The following C7 variants were observed in gnomAD, a reference collection of about 807,000 sequenced individuals.
C7 encodes complement component C7.
In C7, 83 loss-of-function variants were observed where a neutral mutation model predicts 104.8. That is an observed-to-expected ratio of 0.79 (90% CI 0.66 to 0.95). C7 has a LOEUF of 0.95. Ranked by LOEUF, C7 falls within the 40% of genes least tolerant of loss-of-function variation. The pLI is 0.00. For synonymous variants in C7, 415 were observed against 360.6 expected (o/e 1.15, Z -1.71); for missense variants, 1,070 against 1,011.2 (o/e 1.06, Z -0.79).
At chr5:40,921,371 A>G (rs893839663) in intron 1 of C7, among the ~76,000 whole-genome samples, 4 of 152,136 alleles carry the variant, frequency 2.6e-5, no homozygotes, top group African/African-American at 4.8e-5. Flanking sequence ...CCATTAAAAT[A>G]TCTATACTCC....
intron 1 of C7, among the ~76,000 whole-genome samples, chr5:40,923,034 C>T (rs1739474626): frequency 6.6e-6 from 1 of 152,132 alleles, no homozygotes; most frequent in East Asian, 1.9e-4. Context: ...TAAAGAGGAA[C>T]AACCTATGGA....
intron 1 of C7, among the ~76,000 whole-genome samples, chr5:40,923,786 C>G (rs927775824): frequency 2.0e-5 from 3 of 151,466 alleles, no homozygotes; most frequent in Non-Finnish European, 4.4e-5. Context: ...AAATGTCATG[C>G]ACTTTAAAAC....
chr5:40,944,549 C>T (rs1350111437), intron 6 of C7, among the ~76,000 whole-genome samples: 1 of 152,150 alleles, frequency 6.6e-6, no homozygotes, highest in African/African-American at 2.4e-5. Context: ...CATTTTGACA[C>T]TTGATCTAAA....
chr5:40,961,184 A>G (rs1204016550), intron 12 of C7, among the ~76,000 whole-genome samples: 1 of 152,228 alleles, frequency 6.6e-6, no homozygotes, highest in Non-Finnish European at 1.5e-5. Context: ...TTTGGTATTT[A>G]TTAGTTCATA....
intron 14 of C7, 33 bp from the exon 15 acceptor site, chr5:40,972,370 C>A (rs570260882): frequency 1.3e-6 from 2 of 1,578,392 alleles, no homozygotes; most frequent in East Asian, 2.2e-5. Context: ...AGGAGAGCAA[C>A]GACCCTTATA....
At chr5:40,911,711 C>CA (rs1739210966) in intron 1 of C7, among the ~76,000 whole-genome samples, 1 of 150,708 alleles carries the variant, frequency 6.6e-6, no homozygotes, top group Non-Finnish European at 1.5e-5. Context: ...TGACACAGAA[C>CA]AAAAATACCA....
At chr5:40,958,397 C>A in intron 11 of C7, 136 bp downstream of exon 11, 2 of 548,704 alleles carry the variant, frequency 3.6e-6, no homozygotes, top group Non-Finnish European at 3.1e-6. Context: ...CTTCCCTTTC[C>A]TACTTCCAGA....
At position 40,959,492 on chromosome 5, in the gene C7, C is replaced by G. The variant is rs1465748747; in HGVS notation, c.1533C>G (p.Pro511=). 2 of 1,611,210 alleles carry G rather than the reference C, an allele frequency of 1.2e-6. No individual in the cohort carries two copies. Among genetic ancestry groups the G allele is most frequent in the Non-Finnish European group, 1.7e-6 (2 of 1,179,234 alleles). ...GGAGTTGCTGGTCCTCTTGGAGCCC[C>G]TGTGTCCAAGGGAAGAAAACAAGAA... ...GGWSCWSSWS[P]CVQGKKTRSR... Residue 511 remains proline (P), a synonymous_variant, in exon 12 of 18, where the codon CCC becomes CCG. Transcript: ENST00000313164.
At chr5:40,959,675 T>A in intron 12 of C7, 55 bp downstream of exon 12, 2 of 1,332,200 alleles carry the variant, frequency 1.5e-6, no homozygotes, top group Non-Finnish European at 2.0e-6. Flanking sequence ...CCTCTGCAGT[T>A]AGCATGGAAC....
chr5:40,917,517 C>T (rs1265199692), intron 1 of C7, among the ~76,000 whole-genome samples: 2 of 152,004 alleles, frequency 1.3e-5, no homozygotes, highest in Admixed American at 6.6e-5. Context: ...TTTCTTTATC[C>T]CCTTATCCTT....
intron 9 of C7, among the ~76,000 whole-genome samples, chr5:40,951,708 A>T (rs1021901304): frequency 4.6e-5 from 7 of 152,218 alleles, no homozygotes; most frequent in African/African-American, 1.7e-4. Context: ...GTGAGGCCAT[A>T]GACTGAGCAG....
intron 1 of C7, among the ~76,000 whole-genome samples, chr5:40,918,349 C>T (rs892845049): frequency 6.6e-6 from 1 of 151,498 alleles, no homozygotes; most frequent in Non-Finnish European, 1.5e-5. Context: ...AAGAGAGGCC[C>T]TATCTCCAAA....
intron 3 of C7, among the ~76,000 whole-genome samples, chr5:40,932,947 C>A (rs1739727329): frequency 6.6e-6 from 1 of 152,054 alleles, no homozygotes; most frequent in Admixed American, 6.6e-5. Context: ...TGGCTGCCAT[C>A]AAGGGCTCCC....
intron 10 of C7, among the ~76,000 whole-genome samples, chr5:40,956,873 C>A (rs961054545): frequency 7.2e-5 from 11 of 152,174 alleles, no homozygotes; most frequent in Non-Finnish European, 5.9e-5. Flanking sequence ...TTGTCAGCAT[C>A]CCATACAAAT....
chr5:40,980,951 G>C (rs1209791205), intron 17 of C7, among the ~76,000 whole-genome samples: 1 of 152,162 alleles, frequency 6.6e-6, no homozygotes, highest in Admixed American at 6.5e-5. Context: ...CTCATTTCTG[G>C]TTTGTTTTTT....
intron 17 of C7, among the ~76,000 whole-genome samples, 153 bp from the exon 18 acceptor site, chr5:40,981,239 G>A (rs1017217660): frequency 2.0e-5 from 3 of 152,130 alleles, no homozygotes; most frequent in African/African-American, 7.2e-5. Context: ...CCAATTTCCT[G>A]GTCCTACTGC....
At chr5:40,961,817 C>T (rs1183739399) in intron 12 of C7, among the ~76,000 whole-genome samples, 1 of 152,140 alleles carries the variant, frequency 6.6e-6, no homozygotes, top group Non-Finnish European at 1.5e-5. Flanking sequence ...CAAAGACTTT[C>T]TTTTTCTTTT....
intron 1 of C7, among the ~76,000 whole-genome samples, chr5:40,918,985 C>CAG (rs1258091256): frequency 6.9e-6 from 1 of 145,062 alleles, no homozygotes; most frequent in Non-Finnish European, 1.5e-5. Context: ...CACACACACA[C>CAG]ACACACAGAA....
chr5:40,954,098 G>A (rs1417655573), intron 9 of C7, among the ~76,000 whole-genome samples: 2 of 152,072 alleles, frequency 1.3e-5, no homozygotes, highest in African/African-American at 4.8e-5. Context: ...TGGAAAAGAA[G>A]CTTCCATTAG....
Sources: gnomAD v4.1 joint callset for allele counts (sites outside exome capture counted in the v4.1 genomes callset) on GRCh38, gnomAD v4.1.1 for gene constraint, MANE v1.5 for transcripts, NCBI Gene and HGNC (gene_info 2026-07-23, HGNC 2026-07-21) for gene names.